CCDC60: variants seen among roughly 807,000 people sequenced by gnomAD.
The protein encoded by CCDC60 is coiled-coil domain containing 60.
A neutral mutation model predicts 63.5 loss-of-function variants in CCDC60; 54 were observed. The observed-to-expected ratio is 0.85, with a 90% CI of 0.68 to 1.07. The LOEUF is 1.07. Among genes scored for constraint, CCDC60 ranks in the 50% least tolerant of loss-of-function variants. The pLI, the probability that CCDC60 is intolerant of heterozygous loss-of-function variation, is 0.00. For missense variants in CCDC60, 651 were observed against 684.3 expected, an observed-to-expected ratio of 0.95 and a Z score of 0.54; for synonymous variants, 206 against 238.8, an observed-to-expected ratio of 0.86 and a Z score of 1.27.
intron 5 of CCDC60, 135 bp downstream of exon 5, chr12:119,489,001 TG>T (rs1404852248): frequency 1.2e-5 from 9 of 731,106 alleles, no homozygotes; most frequent in Non-Finnish European, 1.9e-5. Context: ...ATGTGCTCTG[TG>T]GGATCTGAAC....
chr12:119,511,678 T>TTTC (rs1271038123), intron 7 of CCDC60, among the ~76,000 whole-genome samples: 5 of 152,342 alleles, frequency 3.3e-5, no homozygotes, highest in African/African-American at 1.2e-4. Context: ...TCAGGATTTT[T>TTTC]TTCTCTGGGG....
chr12:119,394,106 T>C (rs1956208024), intron 1 of CCDC60, among the ~76,000 whole-genome samples: 1 of 152,216 alleles, frequency 6.6e-6, no homozygotes, highest in African/African-American at 2.4e-5. Flanking sequence ...AATAGCTTGC[T>C]ACATGCCAGG....
chr12:119,474,079 C>A (rs1009167532), intron 3 of CCDC60, among the ~76,000 whole-genome samples: 2 of 152,162 alleles, frequency 1.3e-5, no homozygotes, highest in Non-Finnish European at 2.9e-5. Context: ...AGTTTACATT[C>A]CCGAAAAAAA....
At chr12:119,446,053 T>A (rs535183607) in intron 2 of CCDC60, among the ~76,000 whole-genome samples, 5 of 152,280 alleles carry the variant, frequency 3.3e-5, no homozygotes, top group African/African-American at 1.2e-4. Context: ...ACACGACCTG[T>A]ACCCTAATAA....
intron 1 of CCDC60, among the ~76,000 whole-genome samples, chr12:119,401,734 A>G (rs755361288): frequency 7.9e-5 from 12 of 152,220 alleles, no homozygotes; most frequent in Non-Finnish European, 1.3e-4. Context: ...CAAATATTCA[A>G]CCATCACATT....
At chr12:119,377,274 A>AAAAAAG (rs1402034084) in intron 1 of CCDC60, among the ~76,000 whole-genome samples, 77 of 142,210 alleles carry the variant, frequency 5.4e-4, no homozygotes, top group African/African-American at 1.8e-3. Flanking sequence ...AAAAAAAAAA[A>AAAAAAG]AAAAAGAAAA....
At position 119,373,811 on chromosome 12, in the gene CCDC60, C is replaced by T. The variant is rs563273941; in HGVS notation, c.90+38545C>T. Among the ~76,000 whole-genome samples the T allele has an allele frequency of 2.0e-5, 3 of 152,280 alleles. No homozygotes were observed. In the East Asian group the frequency reaches 5.8e-4, roughly 29 times the overall value. ...CTAAAATACACCACTTCTGACATGG[C>T]AGAGACCAAACATGTGGATGATTGA... On this transcript the variant is annotated intron_variant, in intron 1 of 13. Coordinates refer to ENST00000327554, the MANE Select transcript of CCDC60 (RefSeq NM_178499.5).
At chr12:119,389,106 T>C (rs1263580259) in intron 1 of CCDC60, among the ~76,000 whole-genome samples, 1 of 152,202 alleles carries the variant, frequency 6.6e-6, no homozygotes, top group Admixed American at 6.5e-5. Context: ...GCTCTCTGTC[T>C]GTGGTCTGGG....
intron 1 of CCDC60, among the ~76,000 whole-genome samples, chr12:119,361,569 A>G (rs1428828659): frequency 6.6e-6 from 1 of 152,172 alleles, no homozygotes; most frequent in Admixed American, 6.5e-5. Flanking sequence ...GTCGCAAAAG[A>G]ATCACCCCTG....
At chr12:119,369,309 G>T (rs1009610799) in intron 1 of CCDC60, among the ~76,000 whole-genome samples, 11 of 152,192 alleles carry the variant, frequency 7.2e-5, no homozygotes, top group African/African-American at 2.7e-4. Flanking sequence ...CTCCAAGGAA[G>T]TCTCCCCTTT....
intron 1 of CCDC60, among the ~76,000 whole-genome samples, chr12:119,353,568 C>T (rs1955681373): frequency 6.7e-6 from 1 of 148,676 alleles, no homozygotes; most frequent in South Asian, 2.2e-4. Flanking sequence ...CTCCTTCTCT[C>T]TCCCCTCTCT....
intron 4 of CCDC60, among the ~76,000 whole-genome samples, chr12:119,487,011 G>T (rs146527204): frequency 7.2e-5 from 11 of 152,194 alleles, no homozygotes; most frequent in South Asian, 2.1e-4. Context: ...TTGCGGGGAG[G>T]GGGGTGGCTG....
At chr12:119,335,533 A>G (rs539362498) in intron 1 of CCDC60, among the ~76,000 whole-genome samples, 2 of 150,318 alleles carry the variant, frequency 1.3e-5, no homozygotes, top group African/African-American at 2.4e-5. Context: ...TTTGATTTGC[A>G]TTTCTCTGAT....
intron 3 of CCDC60, among the ~76,000 whole-genome samples, chr12:119,476,694 C>T (rs1430899905): frequency 6.6e-6 from 1 of 152,176 alleles, no homozygotes; most frequent in Non-Finnish European, 1.5e-5. Flanking sequence ...ACACAAAAGT[C>T]TCAGCAGGGG....
At chr12:119,335,408 C>T (rs528659965) in intron 1 of CCDC60, 142 bp downstream of exon 1, 221 of 554,162 alleles carry the variant, frequency 4.0e-4, no homozygotes, top group Non-Finnish European at 1.2e-4. Flanking sequence ...AGTTTACAGT[C>T]CCACCAACAG....
chr12:119,452,643 T>C (rs1458348751), intron 2 of CCDC60, among the ~76,000 whole-genome samples: 1 of 152,210 alleles, frequency 6.6e-6, no homozygotes, highest in African/African-American at 2.4e-5. Flanking sequence ...CACACGGTAA[T>C]GAGTCATATT....
At chr12:119,483,937 C>CTT (rs76087374) in intron 4 of CCDC60, among the ~76,000 whole-genome samples, 29 of 141,786 alleles carry the variant, frequency 2.0e-4, no homozygotes, top group Non-Finnish European at 3.2e-4. Context: ...CTTCTGGGGA[C>CTT]TTTTTTTTTT....
Position 119,363,082 on chromosome 12 carries a change from A to C in CCDC60, c.90+27816A>C, listed in dbSNP as rs540517824. On this transcript the variant is annotated intron_variant, in intron 1 of 13. Transcript: ENST00000327554. Reference sequence around the variant, plus strand: ...CGCTGCACCCCAGCCTGGGCGAGACAGCCAGTCTCCCTCTCAAAAATAAAA... The same window carrying C: ...CGCTGCACCCCAGCCTGGGCGAGACCGCCAGTCTCCCTCTCAAAAATAAAA... 3.3e-5 allele frequency among the ~76,000 whole-genome samples: 5 copies of C among 152,344 alleles called. No homozygotes were observed. The South Asian group carries it at 6.2e-4, about 19-fold the overall frequency.
intron 1 of CCDC60, among the ~76,000 whole-genome samples, chr12:119,381,700 G>C (rs1271690621): frequency 6.6e-6 from 1 of 152,086 alleles, no homozygotes; most frequent in Non-Finnish European, 1.5e-5. Context: ...CCATTCTAAG[G>C]ACGAGGAAGC....
Sources: gnomAD v4.1 joint callset for allele counts (sites outside exome capture counted in the v4.1 genomes callset) on GRCh38, gnomAD v4.1.1 for gene constraint, MANE v1.5 for transcripts, NCBI Gene and HGNC (gene_info 2026-07-23, HGNC 2026-07-21) for gene names.